The following TENM2 variants were observed in gnomAD, a reference collection of about 807,000 sequenced individuals.
TENM2 encodes the protein teneurin transmembrane protein 2, also known as teneurin-2.
A neutral mutation model predicts 245.2 loss-of-function variants in TENM2; 52 were observed. The observed-to-expected ratio is 0.21, with a 90% CI of 0.17 to 0.27. The LOEUF (loss-of-function observed/expected upper bound fraction) is 0.27. Among genes scored for constraint, TENM2 ranks in the 10% least tolerant of loss-of-function variants. TENM2 has a pLI of 1.00. For missense variants in TENM2, 3,046 were observed against 3,666.8 expected, an observed-to-expected ratio of 0.83 and a Z score of 4.37; for synonymous variants, 1,363 against 1,438.9, an observed-to-expected ratio of 0.95 and a Z score of 1.19.
chr5:167,264,568 G>A, the TENM2 span, among the ~76,000 whole-genome samples: 1 of 152,138 alleles, frequency 6.6e-6, no homozygotes, highest in East Asian at 1.9e-4. Context: ...CCTGGCAGCT[G>A]CAATTGAGCA....
At chr5:167,680,014 C>G (rs1331788129) in intron 2 of TENM2, among the ~76,000 whole-genome samples, 1 of 152,124 alleles carries the variant, frequency 6.6e-6, no homozygotes, top group Admixed American at 6.6e-5. Flanking sequence ...ATTACCTTCT[C>G]TTTTCCTTGT....
the TENM2 span, among the ~76,000 whole-genome samples, chr5:167,081,630 G>A: frequency 6.6e-6 from 1 of 152,152 alleles, no homozygotes; most frequent in African/African-American, 2.4e-5. Flanking sequence ...GATTTGCTAA[G>A]CACACTGCAG....
chr5:167,119,078 A>G, the TENM2 span, among the ~76,000 whole-genome samples: 1 of 152,272 alleles, frequency 6.6e-6, no homozygotes, highest in Admixed American at 6.5e-5. Flanking sequence ...GAACTGTGTC[A>G]CCCTGGACAA....
intron 21 of TENM2, among the ~76,000 whole-genome samples, chr5:168,215,858 C>G (rs1165618062): frequency 6.6e-6 from 1 of 152,114 alleles, no homozygotes; most frequent in Non-Finnish European, 1.5e-5. Context: ...CAAAGCCCAG[C>G]GAGGGGCCTC....
intron 2 of TENM2, among the ~76,000 whole-genome samples, chr5:167,853,833 C>T (rs1770825786): frequency 6.6e-6 from 1 of 152,098 alleles, no homozygotes; most frequent in Non-Finnish European, 1.5e-5. Context: ...ATACTTCTTC[C>T]AGTTTTGTGA....
chr5:167,516,967 G>C (rs1179047395), intron 2 of TENM2, among the ~76,000 whole-genome samples: 3 of 152,224 alleles, frequency 2.0e-5, no homozygotes, highest in African/African-American at 7.2e-5. Flanking sequence ...ATGGAAAAGA[G>C]CCAAGTTTGA....
chr5:167,578,864 A>G (rs926590459), intron 2 of TENM2, among the ~76,000 whole-genome samples: 7 of 152,192 alleles, frequency 4.6e-5, no homozygotes, highest in African/African-American at 1.7e-4. Context: ...GTGAACATAT[A>G]AGCTGTTTTC....
chr5:167,273,020 A>G, the TENM2 span, among the ~76,000 whole-genome samples: 1 of 152,174 alleles, frequency 6.6e-6, no homozygotes, highest in Non-Finnish European at 1.5e-5. Context: ...ACACACACAC[A>G]CACTTTCACA....
the TENM2 span, among the ~76,000 whole-genome samples, chr5:167,029,281 C>T: frequency 2.0e-5 from 3 of 152,128 alleles, no homozygotes; most frequent in Non-Finnish European, 4.4e-5. Context: ...TCTAATAGTA[C>T]AGATCCTTGA....
chr5:167,149,029 T>G, the TENM2 span, among the ~76,000 whole-genome samples: 1 of 152,206 alleles, frequency 6.6e-6, no homozygotes, highest in African/African-American at 2.4e-5. Flanking sequence ...TATTTTCTTT[T>G]TTTTATACTT....
chr5:167,352,510 A>G (rs1758982762), intron 1 of TENM2, among the ~76,000 whole-genome samples: 1 of 152,174 alleles, frequency 6.6e-6, no homozygotes, highest in Non-Finnish European at 1.5e-5. Flanking sequence ...TTTTTGGAAG[A>G]CATTTATTTG....
intron 2 of TENM2, among the ~76,000 whole-genome samples, chr5:167,668,670 T>C (rs972013029): frequency 6.6e-6 from 1 of 152,188 alleles, no homozygotes; most frequent in African/African-American, 2.4e-5. Flanking sequence ...TAGTAAAGGC[T>C]TATTGTAAGC....
chr5:167,575,757 C>T (rs537612857), intron 2 of TENM2, among the ~76,000 whole-genome samples: 7 of 152,090 alleles, frequency 4.6e-5, no homozygotes, highest in African/African-American at 1.7e-4. Context: ...ACACTGCTGT[C>T]GAATGTTTGA....
the TENM2 span, among the ~76,000 whole-genome samples, chr5:167,021,638 A>T: frequency 5.3e-5 from 8 of 152,236 alleles, no homozygotes; most frequent in Admixed American, 4.6e-4. Context: ...TTGTTCATGA[A>T]TCTAAACCTG....
intron 2 of TENM2, among the ~76,000 whole-genome samples, chr5:167,780,906 T>A (rs1252193474): frequency 6.6e-6 from 1 of 152,240 alleles, no homozygotes; most frequent in Non-Finnish European, 1.5e-5. Flanking sequence ...AGTATTTTTG[T>A]AAGAATTTGT....
chr5:168,079,545 A>G (rs1009582484), intron 7 of TENM2, among the ~76,000 whole-genome samples: 3 of 152,204 alleles, frequency 2.0e-5, no homozygotes, highest in African/African-American at 7.2e-5. Context: ...TTGCCCATTC[A>G]GTATGATATT....
At chr5:167,648,614 C>T (rs1269206532) in intron 2 of TENM2, among the ~76,000 whole-genome samples, 1 of 152,188 alleles carries the variant, frequency 6.6e-6, no homozygotes, top group East Asian at 1.9e-4. Flanking sequence ...TGATGTCAGT[C>T]TCCAGGGAGA....
chr5:167,098,519 C>T, the TENM2 span, among the ~76,000 whole-genome samples: 4 of 152,172 alleles, frequency 2.6e-5, no homozygotes, highest in Admixed American at 2.0e-4. Context: ...CCATTCTTGC[C>T]CTCATCTCTT....
At chr5:168,203,581 A>G in intron 17 of TENM2, 108 bp from the exon 20 acceptor site, 1 of 1,139,360 alleles carries the variant, frequency 8.8e-7, no homozygotes, top group Non-Finnish European at 1.2e-6. Context: ...TTGGAACAGA[A>G]TCTGTATTAC....
Sources: gnomAD v4.1 joint callset for allele counts (sites outside exome capture counted in the v4.1 genomes callset) on GRCh38, gnomAD v4.1.1 for gene constraint, MANE v1.5 for transcripts, NCBI Gene and HGNC (gene_info 2026-07-23, HGNC 2026-07-21) for gene names.